The following ANKFN1 variants were observed in gnomAD, a reference collection of about 807,000 sequenced individuals.
The protein encoded by ANKFN1 is ankyrin repeat and fibronectin type-III domain-containing protein 1.
In ANKFN1, 74 loss-of-function variants were observed where a neutral mutation model predicts 108.7. The observed-to-expected ratio is 0.68, with a 90% CI of 0.56 to 0.83. ANKFN1 has a LOEUF of 0.83. Ranked by LOEUF, ANKFN1 falls within the 40% of genes least tolerant of loss-of-function variation. The pLI, the probability that ANKFN1 is intolerant of heterozygous loss-of-function variation, is 0.00. For synonymous variants in ANKFN1, 547 were observed against 516.2 expected (o/e 1.06, Z -0.81); for missense variants, 1,505 against 1,382.3 (o/e 1.09, Z -1.41).
chr17:56,510,897 G>T lies in ANKFN1; in HGVS notation c.3069G>T (p.Glu1023Asp). 1 of 1,536,182 alleles carries T rather than the reference G, an allele frequency of 6.5e-7. No homozygotes were observed. Among genetic ancestry groups the T allele is most frequent in the South Asian group, 1.2e-5 (1 of 84,066 alleles). Residue 1023 changes from glutamate to aspartate, a missense_variant, in exon 21 of 21, where the codon GAG (glutamate) becomes GAT (aspartate). Physicochemically the swap from Glu to Asp is conservative, Grantham distance 45. Transcript: ENST00000682825. ...ATCGCTGGTTGCGCATCCACAGCGAGACCCAGTCGCTATCGCTCTCTGAGG... is the reference window on the plus strand; with the variant it reads ...ATCGCTGGTTGCGCATCCACAGCGATACCCAGTCGCTATCGCTCTCTGAGG... Reference protein sequence around the residue: ...RHHRWLRIHSETQSLSLSEGI... With the variant: ...RHHRWLRIHSDTQSLSLSEGI...
intron 4 of ANKFN1, among the ~76,000 whole-genome samples, chr17:56,062,573 T>TTTTTTTTTTTC (rs1555589520): frequency 6.2e-5 from 9 of 145,222 alleles, no homozygotes; most frequent in African/African-American, 2.3e-4. Context: ...TTTTTTTTTT[T>TTTTTTTTTTTC]CTTTCCATTT....
In ANKFN1 at chr17:56,113,095, CTGTGTGATGGTG is replaced by C. The variant is rs536003791; in HGVS notation, c.288+66783_288+66794del. On this transcript the variant is annotated intron_variant, in intron 4 of 12. Transcript: ENST00000635860. The stretch of plus-strand genomic sequence containing the variant: ...TATGAAAGTGCTCTGCTAATTTACA[CTGTGTGATGGTG>C]TGTGTGATGGTGCCCTTTTTGCCAT... Among the ~76,000 whole-genome samples, 17 of 152,254 alleles carry C rather than the reference CTGTGTGATGGTG, an allele frequency of 1.1e-4. No homozygotes were observed. The South Asian group carries it at 1.5e-3, about 13-fold the overall frequency.
At chr17:56,134,134 A>G (rs1907455542) in intron 4 of ANKFN1, among the ~76,000 whole-genome samples, 1 of 152,214 alleles carries the variant, frequency 6.6e-6, no homozygotes, top group Admixed American at 6.5e-5. Flanking sequence ...TATATTTACC[A>G]GTTTATTAAT....
chr17:56,474,633 C>G (rs1278331456), intron 15 of ANKFN1, among the ~76,000 whole-genome samples: 1 of 152,160 alleles, frequency 6.6e-6, no homozygotes, highest in African/African-American at 2.4e-5. Flanking sequence ...AAAGTAATGA[C>G]CTGTGAGTCT....
At chr17:56,362,898 A>G (rs2046559337) in intron 6 of ANKFN1, among the ~76,000 whole-genome samples, 1 of 152,228 alleles carries the variant, frequency 6.6e-6, no homozygotes, top group South Asian at 2.1e-4. Context: ...TTCAACAGGA[A>G]CAAAATAAAT....
chr17:56,101,505 A>G (rs1331226616), intron 4 of ANKFN1, among the ~76,000 whole-genome samples: 1 of 152,258 alleles, frequency 6.6e-6, no homozygotes, highest in Non-Finnish European at 1.5e-5. Context: ...ACTTTAATGA[A>G]GTATTTCTTA....
chr17:56,419,110 G>A (rs2048323963), intron 8 of ANKFN1, among the ~76,000 whole-genome samples: 1 of 152,176 alleles, frequency 6.6e-6, no homozygotes, highest in African/African-American at 2.4e-5. Context: ...GAATCTCCAG[G>A]CAGTTGGCCA....
At chr17:56,305,627 C>CA (rs2044798840) in intron 3 of ANKFN1, among the ~76,000 whole-genome samples, 3 of 152,150 alleles carry the variant, frequency 2.0e-5, no homozygotes, top group South Asian at 2.1e-4. Flanking sequence ...GGATCTTTCA[C>CA]AAAAAGTAAG....
chr17:56,092,783 G>T (rs1363595329), intron 4 of ANKFN1, among the ~76,000 whole-genome samples: 1 of 150,934 alleles, frequency 6.6e-6, no homozygotes, highest in Non-Finnish European at 1.5e-5. Context: ...TTTGTTGGCA[G>T]AATTCAGTTT....
At chr17:56,493,929 A>T (rs1009338945) in intron 19 of ANKFN1, among the ~76,000 whole-genome samples, 3 of 152,160 alleles carry the variant, frequency 2.0e-5, no homozygotes, top group Non-Finnish European at 4.4e-5. Flanking sequence ...CAATCTCCTC[A>T]TCTGTAAAAT....
chr17:56,279,703 A>C (rs1040889875), intron 3 of ANKFN1, among the ~76,000 whole-genome samples: 2 of 152,216 alleles, frequency 1.3e-5, no homozygotes, highest in East Asian at 3.8e-4. Context: ...AGTGACAACT[A>C]TTAGGCTTGG....
intron 1 of ANKFN1, among the ~76,000 whole-genome samples, chr17:56,198,067 C>T (rs1913680370): frequency 6.6e-6 from 1 of 152,148 alleles, no homozygotes; most frequent in African/African-American, 2.4e-5. Context: ...GTTGCACATT[C>T]CTTATGAGAG....
chr17:56,176,928 GAAACA>G (rs1297909277), intron 1 of ANKFN1, among the ~76,000 whole-genome samples: 1 of 152,154 alleles, frequency 6.6e-6, no homozygotes, highest in African/African-American at 2.4e-5. Context: ...TGTCCAGATT[GAAACA>G]CTTGCTATTC....
intron 11 of ANKFN1, among the ~76,000 whole-genome samples, 185 bp from the exon 12 acceptor site, chr17:56,456,676 G>A (rs1046935870): frequency 2.6e-5 from 4 of 151,872 alleles, no homozygotes; most frequent in South Asian, 2.1e-4. Context: ...GATTACCAGC[G>A]AGAGCCACCG....
At chr17:56,138,864 T>C (rs1467539746) in intron 4 of ANKFN1, among the ~76,000 whole-genome samples, 1 of 152,030 alleles carries the variant, frequency 6.6e-6, no homozygotes, top group African/African-American at 2.4e-5. Flanking sequence ...ATTATCTTTA[T>C]ACTCAATGAA....
chr17:56,144,520 C>T (rs545105623), intron 4 of ANKFN1, among the ~76,000 whole-genome samples: 6 of 152,280 alleles, frequency 3.9e-5, no homozygotes, highest in Admixed American at 3.9e-4. Flanking sequence ...TGATTTAAAC[C>T]GCATGCCCTC....
intron 3 of ANKFN1, among the ~76,000 whole-genome samples, chr17:56,248,830 TAGG>T (rs1253753470): frequency 1.3e-5 from 2 of 152,182 alleles, no homozygotes; most frequent in East Asian, 3.9e-4. Flanking sequence ...TGTGGTTTAT[TAGG>T]AGGTGATCCC....
intron 15 of ANKFN1, among the ~76,000 whole-genome samples, chr17:56,475,192 G>A (rs1392681483): frequency 6.6e-6 from 1 of 152,158 alleles, no homozygotes; most frequent in African/African-American, 2.4e-5. Context: ...TAACACGAAA[G>A]AAAAATATAA....
intron 1 of ANKFN1, chr17:56,174,528 T>A (rs1402212026): frequency 3.6e-6 from 2 of 553,690 alleles, no homozygotes; most frequent in African/African-American, 2.1e-5. Context: ...GGACAGCCTC[T>A]CCCCCTTCTC....
Sources: gnomAD v4.1 joint callset for allele counts (sites outside exome capture counted in the v4.1 genomes callset) on GRCh38, gnomAD v4.1.1 for gene constraint, MANE v1.5 for transcripts, NCBI Gene and HGNC (gene_info 2026-07-23, HGNC 2026-07-21) for gene names.